The following NPR1 variants were observed in gnomAD, a reference collection of about 807,000 sequenced individuals.
The protein encoded by NPR1 is atrial natriuretic peptide receptor 1.
NPR1 carries 57 observed loss-of-function variants against 116.9 expected under a neutral mutation model. That is an observed-to-expected ratio of 0.49 (90% CI 0.39 to 0.61). The LOEUF (loss-of-function observed/expected upper bound fraction) is 0.61. NPR1 is among the 20% of genes least tolerant of loss of function. The probability of loss-of-function intolerance (pLI) is 0.00; values close to 1 mark genes in which losing one functional copy is unlikely to be tolerated. For missense variants in NPR1, 1,096 were observed against 1,409.8 expected, an observed-to-expected ratio of 0.78 and a Z score of 3.56; for synonymous variants, 555 against 601.6, an observed-to-expected ratio of 0.92 and a Z score of 1.13.
Position 153,679,921 on chromosome 1 carries a change from G to A in NPR1, c.721+92G>A. ...ATCGGGACTTTCTCTCTCATCTGGG[G>A]GCACTCTTCTTTCTCCTCGCCGTTC... is the stretch of plus-strand genomic sequence containing the variant. On this transcript the variant is annotated intron_variant, in intron 1 of 21. Coordinates refer to ENST00000368680, the MANE Select transcript of NPR1 (RefSeq NM_000906.4). The surrounding 1 kb of genome is among the most constrained non-coding windows in gnomAD (Gnocchi z 4.2). The A allele has an allele frequency of 6.9e-7, 1 of 1,455,162 alleles. No individual in the cohort carries two copies. Among genetic ancestry groups the A allele is most frequent in the South Asian group, 1.3e-5 (1 of 76,658 alleles). The allele number at this position is 1,455,162 out of a possible 1,614,324, so 90.1% of individuals were successfully genotyped here.
At chr1:153,686,299 C>T (rs1382174273) in intron 10 of NPR1, 99 bp downstream of exon 10, 2 of 1,164,298 alleles carry the variant, frequency 1.7e-6, no homozygotes, top group Non-Finnish European at 2.5e-6. Flanking sequence ...TCAGGGTACC[C>T]CAAGAAAGGG....
chr1:153,686,973 G>A (rs1441937845), intron 11 of NPR1, 43 bp from the exon 12 acceptor site: 3 of 1,597,920 alleles, frequency 1.9e-6, no homozygotes, highest in South Asian at 1.1e-5. Context: ...CAACTCCCAG[G>A]GGGATCTGCA....
intron 3 of NPR1, 91 bp downstream of exon 3, chr1:153,681,384 C>A: frequency 1.3e-6 from 1 of 775,892 alleles, no homozygotes; most frequent in South Asian, 1.5e-5. Flanking sequence ...ATTCCCAGTT[C>A]TCCCCTTCCT....
chr1:153,687,785 C>T lies in NPR1; in HGVS notation c.2244C>T (p.Pro748=). ...ACGTGGAAGGTTTGGACCTGAGCCC[C>T]AAAGGTGAGAGGAGCACACCTTCCT... The part of the protein sequence containing the change: ...VFHVEGLDLS[P]KEIIERVTRG... Residue 748 remains proline (P), a synonymous_variant, in exon 14 of 22, where the codon CCC becomes CCT. Transcript: ENST00000368680. 6.3e-7 allele frequency: 1 copy of T among 1,584,104 alleles called. No individual in the cohort carries two copies. Among genetic ancestry groups the T allele is most frequent in the Non-Finnish European group, 8.6e-7 (1 of 1,159,304 alleles).
Position 153,679,914 on chromosome 1 carries a change from A to G in NPR1, c.721+85A>G, listed in dbSNP as rs2101727540. ...CGGAGGCATCGGGACTTTCTCTCTC[A>G]TCTGGGGGCACTCTTCTTTCTCCTC... On this transcript the variant is annotated intron_variant, in intron 1 of 21. Coordinates refer to ENST00000368680, the MANE Select transcript of NPR1 (RefSeq NM_000906.4). This position sits in a 1 kb window ranked among gnomAD's most constrained non-coding sequence, Gnocchi z 4.2. 6.8e-7 allele frequency: 1 copy of G among 1,464,056 alleles called. No individual in the cohort carries two copies. The highest frequency in any genetic ancestry group is 2.6e-5 in the Admixed American group (1 of 38,734). 90.7% of individuals were successfully genotyped at this position (1,464,056 alleles called of 1,614,324 possible).
In NPR1 at chr1:153,683,488, A is replaced by G. The variant is rs747153239; in HGVS notation, c.1376A>G (p.Asn459Ser). 2.2e-5 allele frequency: 35 copies of G among 1,614,058 alleles called. No homozygotes were observed. The highest frequency in any genetic ancestry group is 2.6e-5 in the Non-Finnish European group (31 of 1,180,032). ...GACATCCCCAAATGTGGCTTTGACAACGAAGACCCAGCATGCAACCAAGGT... is the reference window on the plus strand; with the variant it reads ...GACATCCCCAAATGTGGCTTTGACAGCGAAGACCCAGCATGCAACCAAGGT... ...PPDIPKCGFD[N>S]EDPACNQDHL... The change falls in exon 6 of 22, where the codon AAC (asparagine) becomes AGC (serine). Residue 459 changes from asparagine (N) to serine (S), a missense_variant. Transcript: ENST00000368680.
In NPR1 at chr1:153,689,350, G is replaced by A. The variant is rs759802000; in HGVS notation, c.2688+39G>A. 5 of 1,614,024 alleles carry A rather than the reference G, an allele frequency of 3.1e-6. No individual in the cohort carries two copies. Among genetic ancestry groups the A allele is most frequent in the Non-Finnish European group, 4.2e-6 (5 of 1,180,038 alleles). On this transcript the variant is annotated intron_variant, in intron 17 of 21. Transcript: ENST00000368680. The surrounding 1 kb of genome is among the most constrained non-coding windows in gnomAD (Gnocchi z 5.1). ...CAGCCACAGGTGCCAGGCAAGCTCA[G>A]CATCTGGATCCCACCAGACCTGCCT...
rs1455022155 is a variant in NPR1 at position 153,684,991 on chromosome 1, C to G, written c.1512C>G (p.Ala504=). 3 of 1,614,002 alleles carry G rather than the reference C, an allele frequency of 1.9e-6. No homozygotes were observed. The highest frequency in any genetic ancestry group is 2.7e-5 in the African/African-American group (2 of 74,916). Reference sequence around the variant, plus strand: ...AGATGCAGCTGGAGAAGGAACTGGCCTCGGAGCTGTGGCGGGTGCGCTGGG... The same window carrying G: ...AGATGCAGCTGGAGAAGGAACTGGCGTCGGAGCTGTGGCGGGTGCGCTGGG... ...YRKMQLEKEL[A]SELWRVRWED... is the part of the protein sequence containing the mutation. Residue 504 remains alanine (A), a synonymous_variant, in exon 8 of 22, where the codon GCC becomes GCG. Coordinates refer to ENST00000368680, the MANE Select transcript of NPR1 (RefSeq NM_000906.4).
At chr1:153,688,319 A>G (rs765154546) in intron 15 of NPR1, 98 bp downstream of exon 15, 13 of 1,288,112 alleles carry the variant, frequency 1.0e-5, no homozygotes, top group Non-Finnish European at 1.4e-5. Flanking sequence ...TGGCAGAGGG[A>G]GACCACTCAC....
chr1:153,687,764 G>C lies in NPR1; in HGVS notation c.2223G>C (p.Val741=), dbSNP rs200272001. ...EIALRSGVFH[V]EGLDLSPKEI... is the part of the protein sequence containing the mutation. Reference sequence around the variant, plus strand: ...CCCTGAGGAGTGGGGTCTTCCACGTGGAAGGTTTGGACCTGAGCCCCAAAG... The same window carrying C: ...CCCTGAGGAGTGGGGTCTTCCACGTCGAAGGTTTGGACCTGAGCCCCAAAG... The change falls in exon 14 of 22, where the codon GTG becomes GTC. Residue 741 remains valine (V), a synonymous_variant. Transcript: ENST00000368680. 1.4e-5 allele frequency: 23 copies of C among 1,597,794 alleles called. No individual in the cohort carries two copies. Among genetic ancestry groups the C allele is most frequent in the East Asian group, 2.3e-5 (1 of 44,356 alleles).
rs1670149516 is a variant in NPR1 at position 153,693,089 on chromosome 1, TC to T, written c.3032-13del. 2 of 1,600,124 alleles carry T rather than the reference TC, an allele frequency of 1.2e-6. No homozygotes were observed. Among genetic ancestry groups the T allele is most frequent in the African/African-American group, 2.7e-5 (2 of 74,216 alleles). The stretch of plus-strand genomic sequence containing the variant: ...CTCTCACATTGCTCACCTTCCCTTC[TC>T]CCCTGTCCTACCCAGCCCTGAAGAT... On this transcript the variant is annotated splice_polypyrimidine_tract_variant and intron_variant, in intron 20 of 21. Transcript: ENST00000368680.
At chr1:153,682,086 G>A (rs952183915) in intron 4 of NPR1, among the ~76,000 whole-genome samples, 4 of 150,898 alleles carry the variant, frequency 2.7e-5, no homozygotes, top group African/African-American at 9.8e-5. Context: ...ATGGAGTCTC[G>A]CTCTGTCCCC....
In NPR1 at chr1:153,693,561, AC is replaced by A; in HGVS notation, c.*149del. On this transcript the variant is annotated 3_prime_UTR_variant, in exon 22 of 22. Coordinates refer to ENST00000368680, the MANE Select transcript of NPR1 (RefSeq NM_000906.4). ...CAGGTGTGCTGACCCCAGTGAAGAC[AC>A]CAGATAGGACCTCTGAGAGGGGACT... The A allele has an allele frequency of 1.6e-6, 1 of 643,800 alleles. No homozygotes were observed. The highest frequency in any genetic ancestry group is 2.6e-6 in the Non-Finnish European group (1 of 383,394). The allele number at this position is 643,800 out of a possible 1,614,324, so 39.9% of individuals were successfully genotyped here. A position where few individuals can be genotyped will look rare whatever the true frequency, so the allele number is the denominator to read the frequency against.
At chr1:153,681,928 C>A in intron 4 of NPR1, 89 bp downstream of exon 4, 3 of 1,503,406 alleles carry the variant, frequency 2.0e-6, no homozygotes, top group South Asian at 1.3e-5. Context: ...TATTGTCCTG[C>A]AGCAGTTACC....
At chr1:153,693,270 G>T (rs1461951246) in intron 21 of NPR1, 73 bp downstream of exon 21, 1 of 1,599,154 alleles carries the variant, frequency 6.3e-7, no homozygotes. Context: ...AGCAGCCAAT[G>T]CCACTCCCAT....
Position 153,679,028 on chromosome 1 carries a change from G to C in NPR1, c.-81G>C. On this transcript the variant is annotated 5_prime_UTR_variant, in exon 1 of 22. An upstream start codon of the reference 5' UTR is lost. Coordinates refer to ENST00000368680, the MANE Select transcript of NPR1 (RefSeq NM_000906.4). The surrounding 1 kb of genome is among the most constrained non-coding windows in gnomAD (Gnocchi z 4.2). ...TCCTTCCCATAGGGACGCGCCTGATGCCTGGGACCGGCCGCTGAGCCCAAG... is the reference window on the plus strand; with the variant it reads ...TCCTTCCCATAGGGACGCGCCTGATCCCTGGGACCGGCCGCTGAGCCCAAG... The C allele has an allele frequency of 7.3e-7, 1 of 1,366,206 alleles. No individual in the cohort carries two copies. The highest frequency in any genetic ancestry group is 9.4e-7 in the Non-Finnish European group (1 of 1,065,174). 84.6% of individuals were successfully genotyped at this position (1,366,206 alleles called of 1,614,324 possible). A position where few individuals can be genotyped will look rare whatever the true frequency, so the allele number is the denominator to read the frequency against.
In NPR1 at chr1:153,687,183, C is replaced by T. The variant is rs780004992; in HGVS notation, c.1936-17C>T. The T allele has an allele frequency of 3.1e-6, 5 of 1,613,806 alleles. No homozygotes were observed. The Admixed American group carries it at 8.3e-5, about 27-fold the overall frequency. ...GTCCCACTCCTGGCCAATACCTCTG[C>T]CCACTCACATTTCCAGGGCATGCTG... On this transcript the variant is annotated splice_polypyrimidine_tract_variant and intron_variant, in intron 12 of 21. Coordinates refer to ENST00000368680, the MANE Select transcript of NPR1 (RefSeq NM_000906.4).
At position 153,689,408 on chromosome 1, in the gene NPR1, G is replaced by T. The variant is rs762985078; in HGVS notation, c.2689-45G>T. On this transcript the variant is annotated intron_variant, in intron 17 of 21. Coordinates refer to ENST00000368680, the MANE Select transcript of NPR1 (RefSeq NM_000906.4). The surrounding 1 kb of genome is among the most constrained non-coding windows in gnomAD (Gnocchi z 5.1). Reference sequence around the variant, plus strand: ...CTGCTTTACCCACCTGACCCCAGGTGGGGTCCCCTACTTCCTGTCTCTCTT... The same window carrying T: ...CTGCTTTACCCACCTGACCCCAGGTTGGGTCCCCTACTTCCTGTCTCTCTT... The T allele has an allele frequency of 1.2e-6, 2 of 1,613,430 alleles. No homozygotes were observed. The highest frequency in any genetic ancestry group is 1.7e-6 in the Non-Finnish European group (2 of 1,179,550).
chr1:153,686,642 G>A lies in NPR1; in HGVS notation c.1759-4G>A, dbSNP rs375838451. On this transcript the variant is annotated splice_region_variant and splice_polypyrimidine_tract_variant and intron_variant, in intron 10 of 21. Transcript: ENST00000368680. ...CAAGCTCCTGATGCTGGTCCCACTT[G>A]CAGATGCGGGATGTGCAGAATGAAC... 6.5e-5 allele frequency: 105 copies of A among 1,612,482 alleles called. No homozygotes were observed. The highest frequency in any genetic ancestry group is 8.6e-5 in the Non-Finnish European group (101 of 1,179,136).
Sources: allele counts gnomAD v4.1 joint callset (sites outside exome capture counted in the v4.1 genomes callset), GRCh38; gene constraint gnomAD v4.1.1; non-coding constraint Gnocchi (gnomAD v3.1); transcripts MANE v1.5; gene names NCBI Gene and HGNC (gene_info 2026-07-23, HGNC 2026-07-21).